The following AGAP1 variants were observed in gnomAD, a reference collection of about 807,000 sequenced individuals.
AGAP1 encodes the protein ArfGAP with GTPase domain, ankyrin repeat and PH domain 1, also known as arf-GAP with GTPase, ANK repeat and PH domain-containing protein 1.
A neutral mutation model predicts 105.3 loss-of-function variants in AGAP1; 29 were observed. That is an observed-to-expected ratio of 0.28 (90% CI 0.21 to 0.38). The LOEUF (loss-of-function observed/expected upper bound fraction) is 0.38. Among genes scored for constraint, AGAP1 ranks in the 10% least tolerant of loss-of-function variants. AGAP1 has a pLI of 1.00. For synonymous variants in AGAP1, 509 were observed against 485.9 expected (o/e 1.05, Z -0.63); for missense variants, 998 against 1,165.1 (o/e 0.86, Z 2.09).
chr2:236,111,255 G>C (rs910551343), intron 16 of AGAP1, among the ~76,000 whole-genome samples: 1 of 152,164 alleles, frequency 6.6e-6, no homozygotes, highest in South Asian at 2.1e-4. Context: ...TCCCAGCTGA[G>C]CGTGGTAGTG....
chr2:235,502,743 A>C (rs1941618416), intron 1 of AGAP1, among the ~76,000 whole-genome samples: 1 of 117,528 alleles, frequency 8.5e-6, no homozygotes, highest in Non-Finnish European at 1.7e-5. Context: ...AACACTTTTC[A>C]TGGTTCTGGG....
intron 3 of AGAP1, among the ~76,000 whole-genome samples, chr2:235,727,813 G>C (rs1951724197): frequency 6.6e-6 from 1 of 152,100 alleles, no homozygotes; most frequent in African/African-American, 2.4e-5. Context: ...AGCAATCAGG[G>C]TTCAATGGTT....
intron 6 of AGAP1, among the ~76,000 whole-genome samples, chr2:235,763,067 C>T (rs1412105245): frequency 0.021 from 1,860 of 87,360 alleles, 23 homozygotes; most frequent in African/African-American, 0.049. Context: ...TGCGCGCGCG[C>T]GCACACGTGC....
Position 236,124,301 on chromosome 2 carries a change from G to C in AGAP1, c.*179G>C. On this transcript the variant is annotated 3_prime_UTR_variant, in exon 18 of 18. Coordinates refer to ENST00000304032, the MANE Select transcript of AGAP1 (RefSeq NM_001037131.3). This position sits in a 1 kb window ranked among gnomAD's most constrained non-coding sequence, Gnocchi z 5.1. The stretch of plus-strand genomic sequence containing the variant: ...TCACAAAACCTGGACATCCCTCAAG[G>C]GGCGAAGAGGCGGCCGGGAGACTGC... 1.4e-6 allele frequency: 1 copy of C among 723,158 alleles called. No individual in the cohort carries two copies. The highest frequency in any genetic ancestry group is 2.3e-6 in the Non-Finnish European group (1 of 438,740). The allele number at this position is 723,158 out of a possible 1,614,324, so 44.8% of individuals were successfully genotyped here.
chr2:236,028,881 C>T lies in AGAP1; in HGVS notation c.1646-7680C>T, dbSNP rs532981226. On this transcript the variant is annotated intron_variant, in intron 13 of 17. Coordinates refer to ENST00000304032, the MANE Select transcript of AGAP1 (RefSeq NM_001037131.3). ...TATCTCTGTCCAAGGTAATGGAGTC[C>T]TCTTCTATTCCTCGTTGGCTAAGGA... Among the ~76,000 whole-genome samples the T allele has an allele frequency of 3.9e-5, 6 of 152,274 alleles. No individual in the cohort carries two copies. The South Asian group carries it at 1.2e-3, about 32-fold the overall frequency.
rs1955265876 is a variant in AGAP1 at position 235,769,733 on chromosome 2, C to T, written c.673+19245C>T. On this transcript the variant is annotated intron_variant, in intron 6 of 17. Coordinates refer to ENST00000304032, the MANE Select transcript of AGAP1 (RefSeq NM_001037131.3). The surrounding 1 kb of genome is among the most constrained non-coding windows in gnomAD (Gnocchi z 4.4). Reference sequence around the variant, plus strand: ...AACGAAAGCAGTGACTAAAGGGCATCTCCAGGTGCCGCCTCTCACCTGGTC... The same window carrying T: ...AACGAAAGCAGTGACTAAAGGGCATTTCCAGGTGCCGCCTCTCACCTGGTC... 6.6e-6 allele frequency among the ~76,000 whole-genome samples: 1 copy of T among 152,110 alleles called. No individual in the cohort carries two copies. The highest frequency in any genetic ancestry group is 2.1e-4 in the South Asian group (1 of 4,810).
At chr2:235,762,405 T>C (rs1421858674) in intron 6 of AGAP1, among the ~76,000 whole-genome samples, 1 of 151,762 alleles carries the variant, frequency 6.6e-6, no homozygotes, top group Non-Finnish European at 1.5e-5. Context: ...TCCGAGCAGA[T>C]CAGGGGCATC....
intron 16 of AGAP1, among the ~76,000 whole-genome samples, chr2:236,086,874 C>T (rs1162817871): frequency 1.5e-5 from 2 of 137,468 alleles, no homozygotes; most frequent in Admixed American, 7.3e-5. Context: ...CCCTGCCCTA[C>T]CTCCCTCCCT....
Position 235,660,373 on chromosome 2 carries a change from C to A in AGAP1, c.164-48806C>A, listed in dbSNP as rs1947908434. ...TGTTGGTAACATGACTGAGGCATTA[C>A]CTGCACTGATTAAGTCAACCATCAA... On this transcript the variant is annotated intron_variant, in intron 1 of 17. Transcript: ENST00000304032. The surrounding 1 kb of genome is among the most constrained non-coding windows in gnomAD (Gnocchi z 5.3). Among the ~76,000 whole-genome samples, 1 of 152,144 alleles carries A rather than the reference C, an allele frequency of 6.6e-6. No homozygotes were observed. The highest frequency in any genetic ancestry group is 1.5e-5 in the Non-Finnish European group (1 of 68,024).
chr2:235,609,668 A>G lies in AGAP1; in HGVS notation c.164-99511A>G, dbSNP rs1946062246. Among the ~76,000 whole-genome samples the G allele has an allele frequency of 6.6e-6, 1 of 152,066 alleles. No homozygotes were observed. Among genetic ancestry groups the G allele is most frequent in the Non-Finnish European group, 1.5e-5 (1 of 68,012 alleles). ...GGTCCCGTGCTGAGGGAGCATCCTT[A>G]TGGTAAACGTCCCTGGTTCTGTACC... On this transcript the variant is annotated intron_variant, in intron 1 of 17. Coordinates refer to ENST00000304032, the MANE Select transcript of AGAP1 (RefSeq NM_001037131.3). The surrounding 1 kb of genome is among the most constrained non-coding windows in gnomAD (Gnocchi z 5.1).
Position 235,887,954 on chromosome 2 carries a change from C to T in AGAP1, c.1155+4505C>T, listed in dbSNP as rs536696581. Among the ~76,000 whole-genome samples the T allele has an allele frequency of 4.6e-5, 7 of 152,262 alleles. 1 individual carries two copies. In the South Asian group the frequency reaches 6.2e-4, roughly 14 times the overall value. ...ATAGGGCCGTGCGGCAGCCCATCACCGGCAGCGCTTGCTCGTGGTGGTGAG... is the reference window on the plus strand; with the variant it reads ...ATAGGGCCGTGCGGCAGCCCATCACTGGCAGCGCTTGCTCGTGGTGGTGAG... On this transcript the variant is annotated intron_variant, in intron 10 of 17. Transcript: ENST00000304032. The surrounding 1 kb of genome is among the most constrained non-coding windows in gnomAD (Gnocchi z 4.1).
At chr2:235,627,764 G>T (rs1387387821) in intron 1 of AGAP1, among the ~76,000 whole-genome samples, 1 of 152,066 alleles carries the variant, frequency 6.6e-6, no homozygotes, top group African/African-American at 2.4e-5. Context: ...CACAGTTGGG[G>T]CTCATGTCTA....
At position 236,014,086 on chromosome 2, in the gene AGAP1, G is replaced by A. The variant is rs979409797; in HGVS notation, c.1646-22475G>A. On this transcript the variant is annotated intron_variant, in intron 13 of 17. Transcript: ENST00000304032. The surrounding 1 kb of genome is among the most constrained non-coding windows in gnomAD (Gnocchi z 6.3). ...GCCCTTGTTAAATTGGTTCTCTTCC[G>A]AACCCAGCGTCCCACTGTCGGTGAC... is the stretch of plus-strand genomic sequence containing the variant. 1.3e-5 allele frequency among the ~76,000 whole-genome samples: 2 copies of A among 152,080 alleles called. No homozygotes were observed. The highest frequency in any genetic ancestry group is 2.1e-4 in the South Asian group (1 of 4,818).
Position 235,653,470 on chromosome 2 carries a change from TAAATA to T in AGAP1, c.164-55683_164-55679del, listed in dbSNP as rs749611997. Among the ~76,000 whole-genome samples the T allele has an allele frequency of 1.5e-3, 217 of 143,524 alleles. 2 individuals carry two copies. Among genetic ancestry groups the T allele is most frequent in the South Asian group, 6.6e-3 (30 of 4,542 alleles). 94.2% of individuals were successfully genotyped at this position (143,524 alleles called of 152,430 possible). A position where few individuals can be genotyped will look rare whatever the true frequency, so the allele number is the denominator to read the frequency against. On this transcript the variant is annotated intron_variant, in intron 1 of 17. Coordinates refer to ENST00000304032, the MANE Select transcript of AGAP1 (RefSeq NM_001037131.3). ...AAGAGCGAAGCCTCCATCTCAAAAA[TAAATA>T]AAATAAAATAAAATAAAATAAAATA...
At chr2:235,767,544 T>G (rs1559459960) in intron 6 of AGAP1, among the ~76,000 whole-genome samples, 1 of 152,186 alleles carries the variant, frequency 6.6e-6, no homozygotes, top group Non-Finnish European at 1.5e-5. Context: ...AAAGTCAGAC[T>G]GACACTCCTG....
chr2:235,866,010 A>T lies in AGAP1; in HGVS notation c.1051-17335A>T, dbSNP rs1048734438. On this transcript the variant is annotated intron_variant, in intron 9 of 17. Coordinates refer to ENST00000304032, the MANE Select transcript of AGAP1 (RefSeq NM_001037131.3). This position sits in a 1 kb window ranked among gnomAD's most constrained non-coding sequence, Gnocchi z 6.1. Reference sequence around the variant, plus strand: ...GAATGAAAGCTGTCTCGATCCATGTATGTCTGTGTATCTGCGGTCTGGTCA... The same window carrying T: ...GAATGAAAGCTGTCTCGATCCATGTTTGTCTGTGTATCTGCGGTCTGGTCA... 2.0e-5 allele frequency among the ~76,000 whole-genome samples: 3 copies of T among 152,108 alleles called. No homozygotes were observed. Among genetic ancestry groups the T allele is most frequent in the African/African-American group, 7.2e-5 (3 of 41,398 alleles).
At chr2:235,694,321 T>C (rs1158159712) in intron 1 of AGAP1, among the ~76,000 whole-genome samples, 1 of 151,714 alleles carries the variant, frequency 6.6e-6, no homozygotes, top group African/African-American at 2.4e-5. Flanking sequence ...CTACTAAAAA[T>C]ACAAAAAGTT....
In AGAP1 at chr2:235,538,510, A is replaced by G. The variant is rs1373961004; in HGVS notation, c.163+43661A>G. On this transcript the variant is annotated intron_variant, in intron 1 of 17. Transcript: ENST00000304032. Reference sequence around the variant, plus strand: ...AGGGTGGGAAGAGGGCTTGCACCTAAGTCCTAGGGTCCTGTTCTCTGCACA... The same window carrying G: ...AGGGTGGGAAGAGGGCTTGCACCTAGGTCCTAGGGTCCTGTTCTCTGCACA... Among the ~76,000 whole-genome samples, 3 of 148,308 alleles carry G rather than the reference A, an allele frequency of 2.0e-5. No homozygotes were observed. The East Asian group carries it at 6.1e-4, about 30-fold the overall frequency.
rs1378957876 is a variant in AGAP1, at chr2:235,623,827, T to C, written c.164-85352T>C. 6.6e-6 allele frequency among the ~76,000 whole-genome samples: 1 copy of C among 152,218 alleles called. No homozygotes were observed. Among genetic ancestry groups the C allele is most frequent in the Admixed American group, 6.5e-5 (1 of 15,274 alleles). ...ATATTTATGGAATGCTTAGTATTTG[T>C]AATGCAACAAAAGGTCAGAATTAAT... On this transcript the variant is annotated intron_variant, in intron 1 of 17. Coordinates refer to ENST00000304032, the MANE Select transcript of AGAP1 (RefSeq NM_001037131.3). This position sits in a 1 kb window ranked among gnomAD's most constrained non-coding sequence, Gnocchi z 4.5.
Sources: gnomAD v4.1 joint callset for allele counts (sites outside exome capture counted in the v4.1 genomes callset) on GRCh38, gnomAD v4.1.1 for gene constraint, Gnocchi (gnomAD v3.1) non-coding constraint, MANE v1.5 for transcripts, NCBI Gene and HGNC (gene_info 2026-07-23, HGNC 2026-07-21) for gene names.